MTMR9: variants seen among roughly 807,000 people sequenced by gnomAD.
MTMR9 encodes the protein myotubularin-related protein 9.
A neutral mutation model predicts 69.5 loss-of-function variants in MTMR9; 39 were observed. That is an observed-to-expected ratio of 0.56 (90% confidence interval 0.43 to 0.73). The LOEUF (loss-of-function observed/expected upper bound fraction) is 0.73, where lower values mean the gene tolerates loss of function less well. Among genes scored for constraint, MTMR9 ranks in the 30% least tolerant of loss-of-function variants. The probability of loss-of-function intolerance (pLI) is 0.00; values close to 1 mark genes in which losing one functional copy is unlikely to be tolerated. For synonymous variants in MTMR9, 354 were observed against 240.8 expected (o/e 1.47, Z -4.35); for missense variants, 900 against 671.2 (o/e 1.34, Z -3.77).
chr8:11,316,404 C>T (rs1800416737), intron 7 of MTMR9: 1 of 291,978 alleles, frequency 3.4e-6, no homozygotes. Context: ...CATTATTCTT[C>T]CATGGGATAT....
chr8:11,291,466 A>T (rs1799378241), intron 1 of MTMR9, among the ~76,000 whole-genome samples: 1 of 152,150 alleles, frequency 6.6e-6, no homozygotes, highest in African/African-American at 2.4e-5. Flanking sequence ...GGACAAAATG[A>T]TAAAATAGAA....
At chr8:11,307,131 G>A (rs951810242) in intron 5 of MTMR9, among the ~76,000 whole-genome samples, 1 of 152,094 alleles carries the variant, frequency 6.6e-6, no homozygotes, top group African/African-American at 2.4e-5. Context: ...GAGTGCAGTG[G>A]CACGATCCCA....
intron 8 of MTMR9, chr8:11,319,458 C>T: frequency 3.9e-6 from 2 of 509,338 alleles, no homozygotes; most frequent in East Asian, 3.6e-5. Context: ...ATCCTCCTGC[C>T]AGCTTCTTGG....
downstream of MTMR9, among the ~76,000 whole-genome samples, chr8:11,332,838 G>T (rs1275149351): frequency 6.6e-6 from 1 of 152,136 alleles, no homozygotes; most frequent in East Asian, 1.9e-4. Flanking sequence ...CTGACCTTGT[G>T]ATCCACCCGC....
intron 6 of MTMR9, among the ~76,000 whole-genome samples, chr8:11,313,715 A>G (rs1156861822): frequency 6.6e-6 from 1 of 152,222 alleles, no homozygotes; most frequent in Non-Finnish European, 1.5e-5. Flanking sequence ...CACACACAGC[A>G]TTTGTTGATT....
intron 9 of MTMR9, 48 bp downstream of exon 9, chr8:11,319,886 C>T (rs375490311): frequency 1.4e-5 from 22 of 1,596,846 alleles, no homozygotes; most frequent in African/African-American, 6.7e-5. Flanking sequence ...GGTGTGCATG[C>T]GGCTGCCTGT....
intron 1 of MTMR9, among the ~76,000 whole-genome samples, chr8:11,293,476 A>G (rs1799436759): frequency 6.6e-6 from 1 of 152,210 alleles, no homozygotes; most frequent in African/African-American, 2.4e-5. Context: ...TGAAGTCCTC[A>G]ATAGCCTACA....
At chr8:11,311,014 G>C (rs1475746783) in intron 6 of MTMR9, among the ~76,000 whole-genome samples, 1 of 151,920 alleles carries the variant, frequency 6.6e-6, no homozygotes, top group Non-Finnish European at 1.5e-5. Flanking sequence ...ATATATATTG[G>C]CCTATTATTT....
chr8:11,319,433 C>G (rs1424076403), intron 8 of MTMR9: 1 of 459,810 alleles, frequency 2.2e-6, no homozygotes, highest in African/African-American at 2.0e-5. Context: ...CCTGATGTGA[C>G]CAGATTCTGT....
At chr8:11,290,832 A>G (rs1446539064) in intron 1 of MTMR9, among the ~76,000 whole-genome samples, 1 of 150,450 alleles carries the variant, frequency 6.6e-6, no homozygotes, top group East Asian at 1.9e-4. Context: ...GATGTGTCCA[A>G]AAATCGGATA....
At chr8:11,292,193 G>C (rs1406547712) in intron 1 of MTMR9, among the ~76,000 whole-genome samples, 1 of 152,122 alleles carries the variant, frequency 6.6e-6, no homozygotes, top group African/African-American at 2.4e-5. Context: ...TGAGTACTAA[G>C]TGTCCATTTT....
At chr8:11,288,777 G>A (rs545243565) in intron 1 of MTMR9, among the ~76,000 whole-genome samples, 210 of 152,350 alleles carry the variant, frequency 1.4e-3, no homozygotes, top group African/African-American at 4.8e-3. Flanking sequence ...GCAGCTGATA[G>A]ATGTTTCAGA....
chr8:11,300,144 C>T lies in MTMR9; in HGVS notation c.413C>T (p.Ser138Leu), dbSNP rs1246826611. 1.9e-6 allele frequency: 3 copies of T among 1,612,676 alleles called. No individual in the cohort carries two copies. In the African/African-American group the frequency reaches 4.0e-5, roughly 22 times the overall value. Residue 138 changes from serine (S) to leucine (L), a missense_variant, in exon 3 of 10, where the codon TCA becomes TTA. Physicochemically the swap from Ser to Leu is moderately radical, Grantham distance 145 (BLOSUM62 -2). Transcript: ENST00000221086. ...LPEQEFELYS[S>L]ATSEWRLSYV... ...GAGCAAGAATTTGAACTCTATTCTT[C>T]AGCTGTGAGTTAACTTTTGAGAACT...
At chr8:11,306,667 A>G (rs562554089) in intron 5 of MTMR9, among the ~76,000 whole-genome samples, 9 of 152,310 alleles carry the variant, frequency 5.9e-5, no homozygotes, top group African/African-American at 1.9e-4. Context: ...GAATTAACCT[A>G]TCACGTCGCA....
At position 11,295,265 on chromosome 8, in the gene MTMR9, G is replaced by A. The variant is rs1799510739; in HGVS notation, c.254G>A (p.Gly85Glu). Residue 85 changes from glycine to glutamate, a missense_variant, in exon 2 of 10, where the codon GGA becomes GAA. Transcript: ENST00000221086. ...CGAATTATTCAGTTGGATATTCCTG[G>A]AATGGAGGAATGCTTGAATATAGCC... ...DFRIIQLDIP[G>E]MEECLNIASS... The A allele has an allele frequency of 1.2e-6, 2 of 1,609,108 alleles. No individual in the cohort carries two copies.
downstream of MTMR9, chr8:11,330,925 A>G (rs571315840): frequency 1.2e-4 from 126 of 1,071,380 alleles, no homozygotes; most frequent in African/African-American, 2.5e-4. Context: ...AAAAAAAAAA[A>G]AAAGAAAGAA....
At chr8:11,310,761 G>T (rs1197476283) in intron 6 of MTMR9, among the ~76,000 whole-genome samples, 1 of 151,644 alleles carries the variant, frequency 6.6e-6, no homozygotes, top group Non-Finnish European at 1.5e-5. Flanking sequence ...GAGTACAGAG[G>T]CTTCTGTTTT....
downstream of MTMR9, among the ~76,000 whole-genome samples, chr8:11,328,747 A>G (rs1162203226): frequency 1.3e-5 from 2 of 152,232 alleles, no homozygotes; most frequent in Non-Finnish European, 2.9e-5. Flanking sequence ...AAAGGAGAAA[A>G]TACTAACTTT....
chr8:11,304,257 A>T (rs1484604327), intron 3 of MTMR9, among the ~76,000 whole-genome samples: 1 of 152,164 alleles, frequency 6.6e-6, no homozygotes, highest in Non-Finnish European at 1.5e-5. Flanking sequence ...ATCTTAGTAC[A>T]TTTTTTACCT....
Sources: allele counts gnomAD v4.1 joint callset (sites outside exome capture counted in the v4.1 genomes callset), GRCh38; gene constraint gnomAD v4.1.1; transcripts MANE v1.5; gene names NCBI Gene and HGNC (gene_info 2026-07-23, HGNC 2026-07-21).